The following MBNL2 variants were observed in gnomAD, a reference collection of about 807,000 sequenced individuals.
The protein encoded by MBNL2 is muscleblind-like protein 2.
MBNL2 carries 17 observed loss-of-function variants against 41.9 expected under a neutral mutation model. That is an observed-to-expected ratio of 0.41 (90% CI 0.28 to 0.61). The LOEUF (loss-of-function observed/expected upper bound fraction) is 0.61. Ranked by LOEUF, MBNL2 falls within the 20% of genes least tolerant of loss-of-function variation. MBNL2 has a pLI of 0.35. For missense variants in MBNL2, 336 were observed against 505.6 expected (o/e 0.66, Z 3.22); for synonymous variants, 195 against 182.9 (o/e 1.07, Z -0.53).
chr13:97,334,592 CT>C lies in MBNL2; in HGVS notation c.339+156del, dbSNP rs2060722493. ...AGCTCAATAGATGAAGGAAAATAGGCTTTTAAAAAAATTAATAGAAAAATAT... is the reference window on the plus strand; with the variant it reads ...AGCTCAATAGATGAAGGAAAATAGGCTTTAAAAAAATTAATAGAAAAATAT... On this transcript the variant is annotated intron_variant, in intron 3 of 8. Coordinates refer to ENST00000679496, the MANE Select transcript of MBNL2 (RefSeq NM_001382683.1). The surrounding 1 kb of genome is among the most constrained non-coding windows in gnomAD (Gnocchi z 5.3). The C allele has an allele frequency of 2.1e-6, 1 of 465,450 alleles. No individual in the cohort carries two copies. Among genetic ancestry groups the C allele is most frequent in the African/African-American group, 2.0e-5 (1 of 49,440 alleles). 28.8% of individuals were successfully genotyped at this position (465,450 alleles called of 1,614,324 possible).
At chr13:97,230,026 A>G (rs1304193841) in intron 1 of MBNL2, among the ~76,000 whole-genome samples, 2 of 152,246 alleles carry the variant, frequency 1.3e-5, no homozygotes, top group Non-Finnish European at 1.5e-5. Flanking sequence ...GGCCAGGCAC[A>G]GTGGCTCACG....
At chr13:97,240,056 T>A (rs1477458371) in intron 1 of MBNL2, among the ~76,000 whole-genome samples, 1 of 152,208 alleles carries the variant, frequency 6.6e-6, no homozygotes, top group Non-Finnish European at 1.5e-5. Flanking sequence ...TAGATACACA[T>A]ACTCTTGGGA....
At chr13:97,195,526 G>A in the MBNL2 span, among the ~76,000 whole-genome samples, 7 of 152,166 alleles carry the variant, frequency 4.6e-5, no homozygotes. Context: ...ATGCTTGTTT[G>A]TAAGGCTCTT....
At position 97,392,715 on chromosome 13, in the gene MBNL2, T is replaced by A. The variant is rs2066412596; in HGVS notation, c.*1266T>A. On this transcript the variant is annotated 3_prime_UTR_variant, in exon 9 of 9. Coordinates refer to ENST00000679496, the MANE Select transcript of MBNL2 (RefSeq NM_001382683.1). ...GTTTTAAAGTTTATTTTAAGCACTA[T>A]CGTACCAAATATTTCATATTTCACA... The A allele has an allele frequency of 6.6e-6, 1 of 152,500 alleles. No individual in the cohort carries two copies. Among genetic ancestry groups the A allele is most frequent in the African/African-American group, 2.4e-5 (1 of 41,442 alleles). 9.4% of individuals were successfully genotyped at this position (152,500 alleles called of 1,614,324 possible). A position where few individuals can be genotyped will look rare whatever the true frequency, so the allele number is the denominator to read the frequency against.
At chr13:97,245,519 A>G (rs2152824016) in intron 1 of MBNL2, among the ~76,000 whole-genome samples, 1 of 152,334 alleles carries the variant, frequency 6.6e-6, no homozygotes, top group Middle Eastern at 3.4e-3. Flanking sequence ...AGATGTCACC[A>G]CAATCCTGAA....
chr13:97,387,612 C>T (rs1350207872), intron 8 of MBNL2, among the ~76,000 whole-genome samples: 2 of 152,300 alleles, frequency 1.3e-5, no homozygotes, highest in Non-Finnish European at 2.9e-5. Flanking sequence ...CTCTGTGTCC[C>T]GTCGCCCTAT....
intron 1 of MBNL2, among the ~76,000 whole-genome samples, chr13:97,229,816 A>G (rs1411118265): frequency 2.0e-5 from 3 of 152,232 alleles, no homozygotes; most frequent in Admixed American, 6.5e-5. Flanking sequence ...TAAAGATTCA[A>G]TTGGGACTTG....
At chr13:97,266,757 G>T (rs1286779115) in intron 1 of MBNL2, among the ~76,000 whole-genome samples, 1 of 151,982 alleles carries the variant, frequency 6.6e-6, no homozygotes, top group African/African-American at 2.4e-5. Flanking sequence ...TTAAAAATAG[G>T]AAACTCAGAG....
At chr13:97,282,099 C>A (rs1247230983) in intron 2 of MBNL2, among the ~76,000 whole-genome samples, 3 of 151,586 alleles carry the variant, frequency 2.0e-5, no homozygotes, top group Non-Finnish European at 4.4e-5. Context: ...CACCTGTAGT[C>A]CCAGCACTTT....
At chr13:97,259,961 T>G (rs917608112) in intron 1 of MBNL2, among the ~76,000 whole-genome samples, 1 of 152,196 alleles carries the variant, frequency 6.6e-6, no homozygotes, top group African/African-American at 2.4e-5. Context: ...AAGTTAAATG[T>G]TGCCCTAGAT....
At chr13:97,159,224 C>G in the MBNL2 span, among the ~76,000 whole-genome samples, 1 of 151,006 alleles carries the variant, frequency 6.6e-6, no homozygotes, top group Non-Finnish European at 1.5e-5. Context: ...GCAACCCCTG[C>G]GTTTTTTTGT....
At chr13:97,217,220 CTG>C (rs1314252909), upstream of MBNL2, among the ~76,000 whole-genome samples, 1 of 151,784 alleles carries the variant, frequency 6.6e-6, no homozygotes, top group Non-Finnish European at 1.5e-5. Flanking sequence ...AGCCCTGTAA[CTG>C]TCTTTATCAC....
the MBNL2 span, among the ~76,000 whole-genome samples, chr13:97,195,616 G>A: frequency 6.6e-6 from 1 of 152,010 alleles, no homozygotes; most frequent in African/African-American, 2.4e-5. Flanking sequence ...AATTCAATAT[G>A]GCATATAGGG....
At chr13:97,381,366 G>A (rs1006846422) in intron 8 of MBNL2, among the ~76,000 whole-genome samples, 4 of 151,964 alleles carry the variant, frequency 2.6e-5, no homozygotes, top group Non-Finnish European at 5.9e-5. Flanking sequence ...TTCTTAGCAG[G>A]CTAAATTACA....
the MBNL2 span, among the ~76,000 whole-genome samples, chr13:97,200,989 T>C: frequency 6.6e-6 from 1 of 152,202 alleles, no homozygotes; most frequent in South Asian, 2.1e-4. Flanking sequence ...TTACCCTTTT[T>C]TCCCTACTAT....
Position 97,276,386 on chromosome 13 carries a change from A to T in MBNL2, c.151A>T (p.Ile51Phe). Residue 51 changes from isoleucine to phenylalanine, a missense_variant, in exon 2 of 9, where the codon ATT becomes TTT. Ile to Phe is a conservative substitution (Grantham distance 21, BLOSUM62 0). Transcript: ENST00000679496. Reference protein sequence around the residue: ...KSCQVENGRVIACFDSLKGRC... With the variant: ...KSCQVENGRVFACFDSLKGRC... ...TTGTCAGGTTGAAAATGGAAGAGTAATTGCCTGCTTTGATTCCCTAAAGGT... is the reference window on the plus strand; with the variant it reads ...TTGTCAGGTTGAAAATGGAAGAGTATTTGCCTGCTTTGATTCCCTAAAGGT... 1 of 1,614,082 alleles carries T rather than the reference A, an allele frequency of 6.2e-7. No homozygotes were observed. Among genetic ancestry groups the T allele is most frequent in the East Asian group, 2.2e-5 (1 of 44,872 alleles).
intron 2 of MBNL2, among the ~76,000 whole-genome samples, chr13:97,279,287 C>G (rs983743588): frequency 6.6e-5 from 10 of 152,162 alleles, no homozygotes; most frequent in African/African-American, 2.4e-4. Flanking sequence ...AGCTTCATTA[C>G]TTGGGACGAG....
the MBNL2 span, among the ~76,000 whole-genome samples, chr13:97,207,078 C>G: frequency 1.3e-5 from 2 of 152,132 alleles, no homozygotes; most frequent in African/African-American, 4.8e-5. Flanking sequence ...CTTCCCTTTC[C>G]TGCATGCATT....
intron 1 of MBNL2, among the ~76,000 whole-genome samples, chr13:97,247,216 T>G (rs1055573505): frequency 3.3e-5 from 5 of 152,252 alleles, no homozygotes; most frequent in African/African-American, 1.2e-4. Context: ...TTGTCTAGTA[T>G]GTTTCTTTAC....
Sources: gnomAD v4.1 joint callset for allele counts (sites outside exome capture counted in the v4.1 genomes callset) on GRCh38, gnomAD v4.1.1 for gene constraint, Gnocchi (gnomAD v3.1) non-coding constraint, MANE v1.5 for transcripts, NCBI Gene and HGNC (gene_info 2026-07-23, HGNC 2026-07-21) for gene names.